PIK3R3: variants seen among roughly 807,000 people sequenced by gnomAD.
PIK3R3 encodes the protein phosphatidylinositol 3-kinase regulatory subunit gamma.
A neutral mutation model predicts 62.9 loss-of-function variants in PIK3R3; 64 were observed. The ratio of observed to expected loss-of-function variants is 1.02; its 90% CI spans 0.83 to 1.25. PIK3R3 has a LOEUF of 1.25. PIK3R3 is among the 50% of genes most tolerant of loss of function. PIK3R3 has a pLI of 0.00. For missense variants in PIK3R3, 614 were observed against 561.6 expected, an observed-to-expected ratio of 1.09 and a Z score of -0.94; for synonymous variants, 165 against 189.0, an observed-to-expected ratio of 0.87 and a Z score of 1.04.
At chr1:46,074,265 G>C (rs1649831083) in intron 3 of PIK3R3, among the ~76,000 whole-genome samples, 1 of 120,440 alleles carries the variant, frequency 8.3e-6, no homozygotes, top group South Asian at 2.7e-4. Context: ...CTCCAGCCTG[G>C]GCGACAGAGC....
intron 1 of PIK3R3, among the ~76,000 whole-genome samples, chr1:46,120,774 A>G (rs1654612158): frequency 6.6e-6 from 1 of 152,202 alleles, no homozygotes; most frequent in Admixed American, 6.5e-5. Context: ...ATACCTCAGT[A>G]GAAGCCAACA....
At chr1:46,069,749 A>T (rs1178422510) in intron 3 of PIK3R3, among the ~76,000 whole-genome samples, 1 of 152,198 alleles carries the variant, frequency 6.6e-6, no homozygotes, top group Non-Finnish European at 1.5e-5. Flanking sequence ...AGGCCTAAGC[A>T]CTGGGGTATG....
At chr1:46,066,589 G>A (rs535303603) in intron 4 of PIK3R3, among the ~76,000 whole-genome samples, 3 of 152,290 alleles carry the variant, frequency 2.0e-5, no homozygotes, top group Middle Eastern at 3.4e-3. Context: ...GGTGGTCAAA[G>A]TGAGATGACT....
the PIK3R3 span, among the ~76,000 whole-genome samples, chr1:46,154,380 C>T: frequency 6.6e-6 from 1 of 152,020 alleles, no homozygotes; most frequent in Non-Finnish European, 1.5e-5. Flanking sequence ...CCAGAACTAG[C>T]AACACAGCGA....
At chr1:46,162,824 TGTTA>T in the PIK3R3 span, among the ~76,000 whole-genome samples, 1 of 152,180 alleles carries the variant, frequency 6.6e-6, no homozygotes, top group East Asian at 1.9e-4. Flanking sequence ...GGTTTCACCA[TGTTA>T]GTTAAGCTGG....
chr1:46,126,792 A>G (rs1026928218), intron 1 of PIK3R3, among the ~76,000 whole-genome samples: 20 of 151,064 alleles, frequency 1.3e-4, no homozygotes, highest in Non-Finnish European at 2.9e-5. Flanking sequence ...CCATATGTAT[A>G]ATGCTTTATT....
intron 3 of PIK3R3, among the ~76,000 whole-genome samples, chr1:46,071,730 T>TATATAGAGAGAGAGAGAG (rs1163343399): frequency 1.7e-5 from 1 of 59,046 alleles, no homozygotes. Context: ...TATATATATA[T>TATATAGAGAGAGAGAGAG]AGAGAGAGAG....
intron 2 of PIK3R3, among the ~76,000 whole-genome samples, chr1:46,079,104 TA>T (rs34234237): frequency 0.67 from 102,130 of 151,462 alleles, 34,655 homozygotes; most frequent in Non-Finnish European, 0.71. Flanking sequence ...ATCGTAAGGG[TA>T]AAAAAAAATT....
At chr1:46,048,978 A>G (rs568270435) in intron 7 of PIK3R3, among the ~76,000 whole-genome samples, 1 of 152,330 alleles carries the variant, frequency 6.6e-6, no homozygotes, top group East Asian at 1.9e-4. Flanking sequence ...CTGATCACAA[A>G]TAGATGCAAT....
the PIK3R3 span, among the ~76,000 whole-genome samples, chr1:46,139,555 C>T: frequency 2.0e-5 from 3 of 152,206 alleles, no homozygotes; most frequent in Non-Finnish European, 4.4e-5. Flanking sequence ...GATCCACCCA[C>T]CTTGGCCTAC....
chr1:46,155,338 A>G, the PIK3R3 span, among the ~76,000 whole-genome samples: 1 of 130,298 alleles, frequency 7.7e-6, no homozygotes, highest in Admixed American at 7.2e-5. Context: ...AACAAAAAAG[A>G]AAAAAAAAAA....
At chr1:46,130,281 AG>A (rs1655464148) in intron 1 of PIK3R3, among the ~76,000 whole-genome samples, 1 of 152,222 alleles carries the variant, frequency 6.6e-6, no homozygotes, top group Non-Finnish European at 1.5e-5. Flanking sequence ...TTACAATAAA[AG>A]TACCAGTGAT....
rs1356023520 is a variant in PIK3R3 at position 46,040,175 on chromosome 1, G to C, written c.*3498C>G. The stretch of plus-strand genomic sequence containing the variant: ...GCAATGTCTTTATTGCATTACTGGA[G>C]CAAGTTGGCCAGACTGTCCCCTCTT... On this transcript the variant is annotated 3_prime_UTR_variant, in exon 10 of 10. Coordinates refer to ENST00000262741, the MANE Select transcript of PIK3R3 (RefSeq NM_003629.4). 9.0e-6 allele frequency: 2 copies of C among 222,988 alleles called. No individual in the cohort carries two copies. The highest frequency in any genetic ancestry group is 1.3e-4 in the East Asian group (2 of 15,484). 13.8% of individuals were successfully genotyped at this position (222,988 alleles called of 1,614,324 possible).
At chr1:46,165,192 C>T in the PIK3R3 span, among the ~76,000 whole-genome samples, 11 of 152,076 alleles carry the variant, frequency 7.2e-5, 1 homozygote, top group Non-Finnish European at 1.6e-4. Context: ...GCCACACATA[C>T]CCCCAAACTA....
chr1:46,125,649 GA>G, intron 1 of PIK3R3, among the ~76,000 whole-genome samples: 1 of 152,200 alleles, frequency 6.6e-6, no homozygotes, highest in East Asian at 1.9e-4. Context: ...AAGCTTCTTC[GA>G]AACCACCTTT....
rs1230973669 is a variant in PIK3R3 at position 46,062,161 on chromosome 1, TA to T, written c.622-91del. 6.4e-6 allele frequency: 7 copies of T among 1,088,492 alleles called. No homozygotes were observed. In the African/African-American group the frequency reaches 1.1e-4, roughly 17 times the overall value. The allele number at this position is 1,088,492 out of a possible 1,614,324, so 67.4% of individuals were successfully genotyped here. On this transcript the variant is annotated intron_variant, in intron 5 of 9. Transcript: ENST00000262741. The stretch of plus-strand genomic sequence containing the variant: ...CTTAAACAAATTTTGTAATTCCAGT[TA>T]TTAATGTAATCCCATATAACACCTA...
intron 5 of PIK3R3, among the ~76,000 whole-genome samples, chr1:46,064,874 A>T (rs1355737166): frequency 6.6e-6 from 1 of 152,184 alleles, no homozygotes; most frequent in African/African-American, 2.4e-5. Flanking sequence ...AGAAGCTAGG[A>T]AAAGAGAAAA....
intron 7 of PIK3R3, among the ~76,000 whole-genome samples, chr1:46,052,834 G>A (rs962094664): frequency 6.6e-6 from 1 of 152,124 alleles, no homozygotes; most frequent in Non-Finnish European, 1.5e-5. Flanking sequence ...TGTGGGCTAT[G>A]GAGTGGCCAG....
At chr1:46,066,223 CAT>C (rs756755758) in intron 4 of PIK3R3, 44 bp from the exon 5 acceptor site, 26 of 1,349,556 alleles carry the variant, frequency 1.9e-5, no homozygotes, top group African/African-American at 2.9e-5. Context: ...ACAATTCTGA[CAT>C]ATGTGGAAAT....
Sources: allele counts gnomAD v4.1 joint callset (sites outside exome capture counted in the v4.1 genomes callset), GRCh38; gene constraint gnomAD v4.1.1; transcripts MANE v1.5; gene names NCBI Gene and HGNC (gene_info 2026-07-23, HGNC 2026-07-21).